Variants in SYN2 observed in about 807,000 individuals in gnomAD.
The protein encoded by SYN2 is synapsin II.
In SYN2, 19 loss-of-function variants were observed where a neutral mutation model predicts 50.9. That is an observed-to-expected ratio of 0.37 (90% CI 0.26 to 0.55). The LOEUF is 0.55. Among genes scored for constraint, SYN2 ranks in the 20% least tolerant of loss-of-function variants. The pLI, the probability that SYN2 is intolerant of heterozygous loss-of-function variation, is 0.81. For synonymous variants in SYN2, 255 were observed against 224.9 expected (o/e 1.13, Z -1.20); for missense variants, 587 against 576.4 (o/e 1.02, Z -0.19).
chr3:12,062,023 C>G (rs2125162949), intron 1 of SYN2, among the ~76,000 whole-genome samples: 1 of 152,060 alleles, frequency 6.6e-6, no homozygotes, highest in East Asian at 1.9e-4. Context: ...CAAGTTGATT[C>G]TGAAGTTTAT....
intron 1 of SYN2, among the ~76,000 whole-genome samples, chr3:12,098,809 G>A (rs1387970644): frequency 6.8e-6 from 1 of 147,742 alleles, no homozygotes; most frequent in Non-Finnish European, 1.5e-5. Context: ...GTCTACAAGA[G>A]TTACACATTA....
chr3:12,111,003 G>A (rs1696300063), intron 1 of SYN2, among the ~76,000 whole-genome samples: 1 of 152,178 alleles, frequency 6.6e-6, no homozygotes, highest in South Asian at 2.1e-4. Context: ...GGGAAGGCAT[G>A]GTTGGTTTTG....
chr3:12,120,168 A>T (rs1325006888), intron 1 of SYN2, among the ~76,000 whole-genome samples: 1 of 152,178 alleles, frequency 6.6e-6, no homozygotes, highest in Non-Finnish European at 1.5e-5. Context: ...TGACAATACA[A>T]ATGGGGAAAC....
intron 1 of SYN2, among the ~76,000 whole-genome samples, chr3:12,123,885 C>T (rs1254257371): frequency 6.6e-6 from 1 of 152,082 alleles, no homozygotes; most frequent in Non-Finnish European, 1.5e-5. Context: ...GTGGTGTGTG[C>T]CTGTAGTCCC....
intron 1 of SYN2, among the ~76,000 whole-genome samples, chr3:12,108,041 T>A (rs1696233996): frequency 6.6e-6 from 1 of 152,044 alleles, no homozygotes. Context: ...TGAGACCCTG[T>A]CTCTACAAAA....
At chr3:12,142,640 C>A (rs1272876485) in intron 3 of SYN2, among the ~76,000 whole-genome samples, 2 of 152,132 alleles carry the variant, frequency 1.3e-5, no homozygotes, top group African/African-American at 2.4e-5. Flanking sequence ...GTCATACTCA[C>A]AGAATTTTGT....
At chr3:12,018,763 A>G (rs1359192456) in intron 1 of SYN2, among the ~76,000 whole-genome samples, 3 of 152,194 alleles carry the variant, frequency 2.0e-5, no homozygotes, top group Non-Finnish European at 4.4e-5. Context: ...GATAATGTCT[A>G]TGGGAGGACT....
At position 12,162,061 on chromosome 3, in the gene SYN2, C is replaced by G; in HGVS notation, c.887C>G (p.Ala296Gly). 1 of 1,614,072 alleles carries G rather than the reference C, an allele frequency of 6.2e-7. No individual in the cohort carries two copies. The highest frequency in any genetic ancestry group is 8.5e-7 in the Non-Finnish European group (1 of 1,179,932). The stretch of plus-strand genomic sequence containing the variant: ...TTCCAGGACATTGCCAGCGTGGTGG[C>G]TCTCACCCAGACCTATGCCACTGCA... ...YDFQDIASVV[A>G]LTQTYATAEP... The change falls in exon 7 of 13, where the codon GCT becomes GGT. Residue 296 changes from alanine to glycine, a missense_variant. By Grantham distance (60) the Ala-to-Gly change is moderately conservative. Coordinates refer to ENST00000621198, the MANE Select transcript of SYN2 (RefSeq NM_133625.6).
chr3:12,168,296 G>A, intron 8 of SYN2, 80 bp from the exon 9 acceptor site: 1 of 1,132,436 alleles, frequency 8.8e-7, no homozygotes, highest in South Asian at 1.3e-5. Flanking sequence ...GATGGAGGCA[G>A]CAAGGAGAGC....
rs77752115 is a variant in SYN2 at position 12,034,453 on chromosome 3, T to A, written c.377+29525T>A. The stretch of plus-strand genomic sequence containing the variant: ...ATATGTTCTAGATAAAAATACTGTC[T>A]TAGTCTGTTTTGTGTTGCTATAACA... On this transcript the variant is annotated intron_variant, in intron 1 of 12. Coordinates refer to ENST00000621198, the MANE Select transcript of SYN2 (RefSeq NM_133625.6). Among the ~76,000 whole-genome samples, 37 of 152,358 alleles carry A rather than the reference T, an allele frequency of 2.4e-4. No homozygotes were observed. The East Asian group carries it at 6.9e-3, about 29-fold the overall frequency.
intron 5 of SYN2, chr3:12,154,603 AC>A: frequency 1.3e-6 from 1 of 763,898 alleles, no homozygotes; most frequent in Non-Finnish European, 2.1e-6. Flanking sequence ...AATAAATAAA[AC>A]TACTATAATC....
intron 1 of SYN2, among the ~76,000 whole-genome samples, chr3:12,132,889 G>C (rs909154881): frequency 3.3e-5 from 5 of 152,076 alleles, no homozygotes; most frequent in African/African-American, 9.7e-5. Flanking sequence ...GTCATTCCAG[G>C]TTCCTTTACC....
chr3:12,136,854 A>G (rs925979274), intron 1 of SYN2, among the ~76,000 whole-genome samples: 4 of 152,174 alleles, frequency 2.6e-5, no homozygotes, highest in African/African-American at 9.7e-5. Flanking sequence ...CACTACAGAT[A>G]TTTTTAGTCT....
chr3:12,009,253 G>GGATGT (rs1693867153), intron 1 of SYN2, among the ~76,000 whole-genome samples: 1 of 152,030 alleles, frequency 6.6e-6, no homozygotes, highest in Non-Finnish European at 1.5e-5. Context: ...TCTCGAGAGG[G>GGATGT]GATGTGGCTT....
intron 1 of SYN2, among the ~76,000 whole-genome samples, chr3:12,023,745 A>G (rs1694196466): frequency 6.6e-6 from 1 of 152,204 alleles, no homozygotes; most frequent in African/African-American, 2.4e-5. Context: ...ATCTGAAGAC[A>G]GTGTAGAAAA....
chr3:12,024,707 C>A (rs2125137702), intron 1 of SYN2, among the ~76,000 whole-genome samples: 1 of 152,208 alleles, frequency 6.6e-6, no homozygotes, highest in Middle Eastern at 3.4e-3. Context: ...TTAAGTTGTT[C>A]CCAGTTTGGG....
chr3:12,106,559 C>T (rs985097299), intron 1 of SYN2, among the ~76,000 whole-genome samples: 2 of 152,072 alleles, frequency 1.3e-5, no homozygotes, highest in African/African-American at 4.8e-5. Context: ...TAAATACTGA[C>T]ATTTACATTA....
intron 1 of SYN2, among the ~76,000 whole-genome samples, chr3:12,131,032 G>T (rs1696787212): frequency 6.6e-6 from 1 of 152,200 alleles, no homozygotes; most frequent in Admixed American, 6.5e-5. Context: ...TATAGAAGGA[G>T]TAGGGCAGGG....
rs1300822093 is a variant in SYN2, at chr3:12,004,757, C to CGCCGCAGCCCGT, written c.217_218insTGCCGCAGCCCG (p.Pro72_Ala73insValProGlnPro). ...AGGCCGCCGCCCGCCTCGGCGCCCG[C>CGCCGCAGCCCGT]GCCGCAGCCCGCGCCGACGCCGTCG... On this transcript the variant is annotated inframe_insertion, in exon 1 of 13. Coordinates refer to ENST00000621198, the MANE Select transcript of SYN2 (RefSeq NM_133625.6). The CGCCGCAGCCCGT allele has an allele frequency of 2.9e-6, 1 of 342,356 alleles. No individual in the cohort carries two copies. Among genetic ancestry groups the CGCCGCAGCCCGT allele is most frequent in the African/African-American group, 2.2e-5 (1 of 45,868 alleles). 21.2% of individuals were successfully genotyped at this position (342,356 alleles called of 1,614,324 possible).
Sources: allele counts gnomAD v4.1 joint callset (sites outside exome capture counted in the v4.1 genomes callset), GRCh38; gene constraint gnomAD v4.1.1; transcripts MANE v1.5; gene names NCBI Gene and HGNC (gene_info 2026-07-23, HGNC 2026-07-21).